The following BAG3 variants were observed in gnomAD, a reference collection of about 807,000 sequenced individuals.
BAG3 encodes the protein BAG cochaperone 3, also known as BAG family molecular chaperone regulator 3.
In BAG3, 14 loss-of-function variants were observed where a neutral mutation model predicts 40.5. The ratio of observed to expected loss-of-function variants is 0.35; its 90% CI spans 0.23 to 0.54. BAG3 has a LOEUF of 0.54. Among genes scored for constraint, BAG3 ranks in the 20% least tolerant of loss-of-function variants. BAG3 has a pLI of 0.91. For synonymous variants in BAG3, 302 were observed against 307.8 expected (o/e 0.98, Z 0.20); for missense variants, 788 against 758.6 (o/e 1.04, Z -0.46).
At chr10:119,670,310 G>A in intron 2 of BAG3, 133 bp downstream of exon 2, 1 of 956,402 alleles carries the variant, frequency 1.0e-6, no homozygotes, top group Non-Finnish European at 1.5e-6. Flanking sequence ...CTAGCCTGCA[G>A]CATCAGAGGT....
chr10:119,655,527 TTTC>T (rs1456137390), intron 1 of BAG3, among the ~76,000 whole-genome samples: 1 of 152,156 alleles, frequency 6.6e-6, no homozygotes, highest in African/African-American at 2.4e-5. Context: ...CCTCCTGAAT[TTTC>T]TTAAAGATGA....
intron 1 of BAG3, among the ~76,000 whole-genome samples, chr10:119,662,072 G>A: frequency 6.6e-6 from 1 of 152,050 alleles, no homozygotes; most frequent in East Asian, 1.9e-4. Flanking sequence ...TTTTAATTCA[G>A]AGCCTCACTC....
At position 119,668,104 on chromosome 10, in the gene BAG3, G is replaced by A. The variant is rs78867430; in HGVS notation, c.181-1747G>A. On this transcript the variant is annotated intron_variant, in intron 1 of 3. Transcript: ENST00000369085. ...AATGTAATGCCGCCGCCCTGAGCAC[G>A]TGGCTGTTCTAATCTGAGAATGCCT... is the stretch of plus-strand genomic sequence containing the variant. Among the ~76,000 whole-genome samples, 899 of 152,334 alleles carry A rather than the reference G, an allele frequency of 5.9e-3. 24 individuals carry two copies. In the South Asian group the frequency reaches 0.092, roughly 16 times the overall value.
chr10:119,666,071 C>G (rs552485442), intron 1 of BAG3, among the ~76,000 whole-genome samples: 1 of 152,188 alleles, frequency 6.6e-6, no homozygotes, highest in East Asian at 1.9e-4. Context: ...CCCTTCCCCC[C>G]ACATGCCTCT....
At chr10:119,660,810 G>A (rs1846982259) in intron 1 of BAG3, among the ~76,000 whole-genome samples, 1 of 151,822 alleles carries the variant, frequency 6.6e-6, no homozygotes, top group Non-Finnish European at 1.5e-5. Flanking sequence ...AAATGCAATT[G>A]TGGCTGGGCG....
At position 119,676,721 on chromosome 10, in the gene BAG3, T is replaced by C. The variant is rs777587890; in HGVS notation, c.1167T>C (p.Ser389=). Residue 389 remains serine, a synonymous_variant, in exon 4 of 4, where the codon AGT becomes AGC. Transcript: ENST00000369085. ...GPSAVPSSPK[S]VATEERAAPS... Reference sequence around the variant, plus strand: ...CTGCTGTCCCCTCTTCCCCCAAGAGTGTGGCTACAGAAGAGAGGGCAGCCC... The same window carrying C: ...CTGCTGTCCCCTCTTCCCCCAAGAGCGTGGCTACAGAAGAGAGGGCAGCCC... 1 of 1,613,780 alleles carries C rather than the reference T, an allele frequency of 6.2e-7. No homozygotes were observed. The highest frequency in any genetic ancestry group is 2.2e-5 in the East Asian group (1 of 44,868).
intron 1 of BAG3, among the ~76,000 whole-genome samples, chr10:119,664,413 A>G (rs1470491832): frequency 6.6e-6 from 1 of 152,224 alleles, no homozygotes; most frequent in East Asian, 1.9e-4. Flanking sequence ...ATAGTGAGAT[A>G]AGCAGTGAGA....
At chr10:119,659,021 C>T (rs1483527438) in intron 1 of BAG3, among the ~76,000 whole-genome samples, 1 of 152,176 alleles carries the variant, frequency 6.6e-6, no homozygotes, top group Non-Finnish European at 1.5e-5. Flanking sequence ...TTCTTAGAAG[C>T]AAGGCCTCCT....
At chr10:119,670,207 T>TG in intron 2 of BAG3, 30 bp downstream of exon 2, 2 of 1,558,862 alleles carry the variant, frequency 1.3e-6, no homozygotes, top group Non-Finnish European at 1.7e-6. Context: ...ACCAGCCTGC[T>TG]GGGGAGCAAG....
intron 1 of BAG3, 150 bp downstream of exon 1, chr10:119,652,005 C>G (rs1253460746): frequency 3.2e-6 from 2 of 620,974 alleles, no homozygotes; most frequent in Non-Finnish European, 4.3e-6. Context: ...CGCCCCGCCA[C>G]ACACTCCCGC....
intron 3 of BAG3, among the ~76,000 whole-genome samples, chr10:119,675,000 G>A (rs1171400393): frequency 6.6e-6 from 1 of 151,218 alleles, no homozygotes; most frequent in African/African-American, 2.4e-5. Flanking sequence ...AAAACAAAAA[G>A]CGTCAAGATA....
intron 1 of BAG3, 113 bp downstream of exon 1, chr10:119,651,968 G>T: frequency 1.0e-6 from 1 of 957,118 alleles, no homozygotes; most frequent in East Asian, 4.4e-5. Context: ...GTCGGCGAAG[G>T]CCCCTCGCGG....
chr10:119,675,837 T>TGC (rs1375405081), intron 3 of BAG3, among the ~76,000 whole-genome samples: 1 of 35,928 alleles, frequency 2.8e-5, no homozygotes, highest in Admixed American at 3.8e-4. Context: ...CCTTCCCCCT[T>TGC]CCCTCCTTCC....
chr10:119,673,829 G>A (rs196331), intron 3 of BAG3, among the ~76,000 whole-genome samples: 3 of 151,990 alleles, frequency 2.0e-5, no homozygotes, highest in East Asian at 1.9e-4. Context: ...TTCTTCTCTC[G>A]TATATTATTG....
intron 1 of BAG3, among the ~76,000 whole-genome samples, chr10:119,653,956 T>C (rs1442040434): frequency 6.6e-6 from 1 of 152,176 alleles, no homozygotes; most frequent in Non-Finnish European, 1.5e-5. Flanking sequence ...CTGAGGTTGC[T>C]TGGATTTTGA....
rs1227175290 is a variant in BAG3 at position 119,676,618 on chromosome 10, C to T, written c.1064C>T (p.Pro355Leu). The change falls in exon 4 of 4, where the codon CCC becomes CTC. Residue 355 changes from proline (P) to leucine (L), a missense_variant. Transcript: ENST00000369085. Reference protein sequence around the residue: ...EVDSKPVSQKPPPPSEKVEVK... With the variant: ...EVDSKPVSQKLPPPSEKVEVK... ...GATTCTAAACCTGTTTCCCAGAAGC[C>T]CCCACCTCCCTCTGAGAAGGTAGAG... is the stretch of plus-strand genomic sequence containing the variant. 3.1e-6 allele frequency: 5 copies of T among 1,614,014 alleles called. No homozygotes were observed. In the African/African-American group the frequency reaches 5.3e-5, roughly 17 times the overall value.
At chr10:119,654,778 C>T (rs930705427) in intron 1 of BAG3, among the ~76,000 whole-genome samples, 3 of 152,226 alleles carry the variant, frequency 2.0e-5, no homozygotes, top group South Asian at 2.1e-4. Context: ...CCAGGCTCCT[C>T]CCTGAATAAA....
rs763093689 is a variant in BAG3, at chr10:119,677,099, T to C, written c.1545T>C (p.Leu515=). 1 of 1,614,086 alleles carries C rather than the reference T, an allele frequency of 6.2e-7. No individual in the cohort carries two copies. The highest frequency in any genetic ancestry group is 8.5e-7 in the Non-Finnish European group (1 of 1,180,006). ...VQVYELQPSN[L]EADQPLQAIM... is the part of the protein sequence containing the mutation. ...TCTATGAACTCCAGCCCAGCAACCT[T>C]GAAGCAGATCAGCCACTGCAGGCAA... The change falls in exon 4 of 4, where the codon CTT becomes CTC. Residue 515 remains leucine, a synonymous_variant. Coordinates refer to ENST00000369085, the MANE Select transcript of BAG3 (RefSeq NM_004281.4).
chr10:119,676,792 C>G lies in BAG3; in HGVS notation c.1238C>G (p.Ala413Gly). 1 of 1,614,192 alleles carries G rather than the reference C, an allele frequency of 6.2e-7. No individual in the cohort carries two copies. Among genetic ancestry groups the G allele is most frequent in the East Asian group, 2.2e-5 (1 of 44,888 alleles). ...GCTACACCTCCAAAACCAGGAGAAG[C>G]CGAGGCTCCCCCAAAACATCCAGGA... ...AEATPPKPGE[A>G]EAPPKHPGVL... Residue 413 changes from alanine to glycine, a missense_variant, in exon 4 of 4, where the codon GCC becomes GGC. Physicochemically the swap from Ala to Gly is moderately conservative, Grantham distance 60. Coordinates refer to ENST00000369085, the MANE Select transcript of BAG3 (RefSeq NM_004281.4).
Sources: gnomAD v4.1 joint callset for allele counts (sites outside exome capture counted in the v4.1 genomes callset) on GRCh38, gnomAD v4.1.1 for gene constraint, MANE v1.5 for transcripts, NCBI Gene and HGNC (gene_info 2026-07-23, HGNC 2026-07-21) for gene names.